ANXA8: variants seen among roughly 807,000 people sequenced by gnomAD.
ANXA8 encodes the protein VAC-beta.
In ANXA8, 9 loss-of-function variants were observed where a neutral mutation model predicts 26.8. The observed-to-expected ratio is 0.34, with a 90% CI of 0.20 to 0.59. The LOEUF (loss-of-function observed/expected upper bound fraction) is 0.59. Ranked by LOEUF, ANXA8 falls within the 20% of genes least tolerant of loss-of-function variation. The probability of loss-of-function intolerance (pLI) is 0.84; values close to 1 mark genes in which losing one functional copy is unlikely to be tolerated. For synonymous variants in ANXA8, 39 were observed against 94.8 expected (o/e 0.41, Z 3.42); for missense variants, 83 against 238.5 (o/e 0.35, Z 4.29).
chr10:47,935,394 AC>A, the ANXA8 span, among the ~76,000 whole-genome samples: 4 of 149,994 alleles, frequency 2.7e-5, no homozygotes, highest in Admixed American at 2.7e-4. Context: ...GGAAACTGAG[AC>A]CAAGGACTAT....
chr10:47,685,578 A>G, the ANXA8 span, among the ~76,000 whole-genome samples: 328 of 151,904 alleles, frequency 2.2e-3, 2 homozygotes, highest in Non-Finnish European at 2.1e-4. Flanking sequence ...CTAGAAATAT[A>G]GGTCTGAAGT....
the ANXA8 span, among the ~76,000 whole-genome samples, chr10:47,719,158 CTTTTTTTTTT>C: frequency 8.7e-6 from 1 of 114,880 alleles, no homozygotes. Flanking sequence ...TCCTATTTGG[CTTTTTTTTTT>C]TTTTTTTTTG....
At chr10:47,969,117 G>A in the ANXA8 span, among the ~76,000 whole-genome samples, 3 of 150,878 alleles carry the variant, frequency 2.0e-5, no homozygotes, top group Non-Finnish European at 3.0e-5. Context: ...CCAGAGGTCA[G>A]TGGAGGTGGA....
the ANXA8 span, among the ~76,000 whole-genome samples, chr10:47,554,193 CCCTG>C: frequency 7.4e-6 from 1 of 135,674 alleles, no homozygotes; most frequent in East Asian, 2.4e-4. Flanking sequence ...TCCCTGTGGT[CCCTG>C]TGGTCCCAGC....
the ANXA8 span, among the ~76,000 whole-genome samples, chr10:47,658,847 ATTATTTAT>A: frequency 0.052 from 6,861 of 131,028 alleles, 350 homozygotes; most frequent in African/African-American, 0.15. Context: ...TTATTTATTT[ATTATTTAT>A]TTATTTATTT....
the ANXA8 span, among the ~76,000 whole-genome samples, chr10:47,683,989 C>T: frequency 2.0e-5 from 3 of 151,742 alleles, no homozygotes; most frequent in Non-Finnish European, 2.9e-5. Flanking sequence ...TACAATTCAT[C>T]CTGTTTTAGA....
the ANXA8 span, among the ~76,000 whole-genome samples, chr10:47,673,234 C>T: frequency 2.9e-4 from 44 of 151,150 alleles, no homozygotes; most frequent in African/African-American, 1.0e-3. Context: ...GGGCCAGTGA[C>T]GAACTGGCAT....
At chr10:47,666,091 T>G in the ANXA8 span, among the ~76,000 whole-genome samples, 1 of 150,340 alleles carries the variant, frequency 6.7e-6, no homozygotes, top group Non-Finnish European at 1.5e-5. Context: ...AACAAGAATC[T>G]TTAGAAATAA....
At chr10:47,899,217 G>A in the ANXA8 span, among the ~76,000 whole-genome samples, 5 of 143,092 alleles carry the variant, frequency 3.5e-5, no homozygotes, top group Non-Finnish European at 7.7e-5. Context: ...TTGAATTCTG[G>A]AAGAATCAAG....
chr10:47,518,493 C>A, the ANXA8 span, among the ~76,000 whole-genome samples: 2 of 133,414 alleles, frequency 1.5e-5, no homozygotes, highest in Non-Finnish European at 3.1e-5. Flanking sequence ...CTCACTGCAA[C>A]CTCTACCTCC....
chr10:47,580,250 T>G, the ANXA8 span, among the ~76,000 whole-genome samples: 1 of 152,196 alleles, frequency 6.6e-6, no homozygotes, highest in Non-Finnish European at 1.5e-5. Context: ...AAATAGAACA[T>G]CTAGACAAAA....
the ANXA8 span, among the ~76,000 whole-genome samples, chr10:47,585,134 G>A: frequency 1.4e-5 from 2 of 143,010 alleles, no homozygotes; most frequent in Non-Finnish European, 3.0e-5. Flanking sequence ...ATGGTGGTGG[G>A]CGCCTGTAAT....
the ANXA8 span, among the ~76,000 whole-genome samples, chr10:47,962,593 AT>A: frequency 1.4e-5 from 2 of 146,544 alleles, no homozygotes; most frequent in South Asian, 4.7e-4. Flanking sequence ...AAAACAAGTG[AT>A]TGGAATTGCT....
the ANXA8 span, chr10:47,991,661 C>G: frequency 6.2e-7 from 1 of 1,611,162 alleles, no homozygotes; most frequent in Admixed American, 1.7e-5. Flanking sequence ...ACCCAAATCT[C>G]CTGCCAGCTC....
At chr10:47,777,359 C>T in the ANXA8 span, among the ~76,000 whole-genome samples, 1 of 151,844 alleles carries the variant, frequency 6.6e-6, no homozygotes. Flanking sequence ...CACTATGTTG[C>T]CCAGGCTGGT....
At chr10:47,596,686 G>A in the ANXA8 span, among the ~76,000 whole-genome samples, 17 of 143,588 alleles carry the variant, frequency 1.2e-4, no homozygotes, top group East Asian at 2.0e-3. Flanking sequence ...AAATGAATAC[G>A]TTCCTGGAAA....
chr10:47,954,755 A>T, the ANXA8 span, among the ~76,000 whole-genome samples: 4 of 151,234 alleles, frequency 2.6e-5, no homozygotes, highest in South Asian at 2.1e-4. Context: ...AGGAATAAAA[A>T]CACCTGTGTT....
the ANXA8 span, among the ~76,000 whole-genome samples, chr10:47,685,961 T>C: frequency 2.7e-5 from 4 of 149,164 alleles, no homozygotes; most frequent in East Asian, 5.9e-4. Flanking sequence ...AGATTACCCA[T>C]AGTAGGCCTG....
chr10:47,918,428 A>AG, the ANXA8 span, among the ~76,000 whole-genome samples: 6 of 34,648 alleles, frequency 1.7e-4, 2 homozygotes, highest in Admixed American at 5.5e-4. Flanking sequence ...AAAGAAAGAA[A>AG]GAAAGAGAGA....
Sources: allele counts gnomAD v4.1 joint callset (sites outside exome capture counted in the v4.1 genomes callset), GRCh38; gene constraint gnomAD v4.1.1; transcripts MANE v1.5; gene names NCBI Gene and HGNC (gene_info 2026-07-23, HGNC 2026-07-21).